CDC14A: variants seen among roughly 807,000 people sequenced by gnomAD.
CDC14A encodes dual specificity protein phosphatase CDC14A.
A neutral mutation model predicts 74.4 loss-of-function variants in CDC14A; 53 were observed. The ratio of observed to expected loss-of-function variants is 0.71; its 90% confidence interval spans 0.57 to 0.89. CDC14A has a LOEUF of 0.89. Ranked by LOEUF, CDC14A falls within the 40% of genes least tolerant of loss-of-function variation. CDC14A has a pLI of 0.00. For missense variants in CDC14A, 646 were observed against 713.7 expected, an observed-to-expected ratio of 0.91 and a Z score of 1.08; for synonymous variants, 247 against 258.4, an observed-to-expected ratio of 0.96 and a Z score of 0.43.
chr1:100,424,324 G>A (rs1317219264), intron 5 of CDC14A, 23 bp downstream of exon 5: 1 of 1,577,328 alleles, frequency 6.3e-7, no homozygotes, highest in South Asian at 1.1e-5. Flanking sequence ...GTGAGACTTG[G>A]GTTAAACTTT....
intron 1 of CDC14A, among the ~76,000 whole-genome samples, chr1:100,346,149 G>A (rs1650397042): frequency 6.6e-6 from 1 of 152,028 alleles, no homozygotes; most frequent in Non-Finnish European, 1.5e-5. Flanking sequence ...TCCAGCCTGG[G>A]TGACAGAGCA....
intron 6 of CDC14A, among the ~76,000 whole-genome samples, chr1:100,440,333 T>C (rs1478477852): frequency 2.0e-5 from 3 of 152,124 alleles, no homozygotes; most frequent in African/African-American, 7.2e-5. Context: ...CAGGAAGTTA[T>C]CTAAGCCACT....
intron 3 of CDC14A, among the ~76,000 whole-genome samples, chr1:100,389,034 G>T (rs1657279331): frequency 6.6e-6 from 1 of 151,786 alleles, no homozygotes; most frequent in Admixed American, 6.6e-5. Context: ...TATTTGCCAG[G>T]CATGGTGGCA....
At chr1:100,482,124 G>A (rs544499335) in intron 10 of CDC14A, among the ~76,000 whole-genome samples, 16 of 152,298 alleles carry the variant, frequency 1.1e-4, no homozygotes, top group African/African-American at 3.8e-4. Context: ...AGTGAAAGTT[G>A]TCACTTTGTA....
chr1:100,501,877 A>T (rs1648771509), intron 15 of CDC14A, among the ~76,000 whole-genome samples: 1 of 152,182 alleles, frequency 6.6e-6, no homozygotes, highest in African/African-American at 2.4e-5. Context: ...TTAAACAAAA[A>T]ATTTAGAAAG....
At chr1:100,470,688 A>G (rs1571277354) in intron 10 of CDC14A, among the ~76,000 whole-genome samples, 1 of 152,180 alleles carries the variant, frequency 6.6e-6, no homozygotes, top group East Asian at 1.9e-4. Context: ...TAATATATGT[A>G]TATGAAAAGA....
At chr1:100,513,226 C>G (rs1649930137) in intron 15 of CDC14A, among the ~76,000 whole-genome samples, 1 of 152,182 alleles carries the variant, frequency 6.6e-6, no homozygotes, top group East Asian at 1.9e-4. Flanking sequence ...TTATTTTTCC[C>G]CAGTGTTGTA....
intron 2 of CDC14A, among the ~76,000 whole-genome samples, chr1:100,368,751 C>A (rs753391914): frequency 6.6e-6 from 1 of 152,206 alleles, no homozygotes; most frequent in African/African-American, 2.4e-5. Context: ...CTTCCCTCCC[C>A]ACTTCAGTAG....
intron 4 of CDC14A, among the ~76,000 whole-genome samples, chr1:100,404,502 G>A (rs191186276): frequency 2.6e-5 from 4 of 152,152 alleles, no homozygotes. Context: ...AAAGCCAGGG[G>A]TGTAGTTATA....
upstream of CDC14A, among the ~76,000 whole-genome samples, chr1:100,349,811 C>T (rs192468818): frequency 4.6e-5 from 7 of 151,726 alleles, no homozygotes; most frequent in African/African-American, 1.2e-4. Flanking sequence ...TGCAGGTGCC[C>T]GCCACCACAT....
chr1:100,419,268 C>T (rs1370408672), intron 4 of CDC14A, among the ~76,000 whole-genome samples: 4 of 152,098 alleles, frequency 2.6e-5, no homozygotes, highest in Admixed American at 6.5e-5. Context: ...GTGGCTATCA[C>T]GTGATGGAGA....
intron 4 of CDC14A, among the ~76,000 whole-genome samples, chr1:100,406,377 A>G (rs1352647479): frequency 6.6e-6 from 1 of 152,124 alleles, no homozygotes; most frequent in Non-Finnish European, 1.5e-5. Flanking sequence ...GAAGCTCTTT[A>G]GTTCAATTAG....
chr1:100,502,516 C>T (rs570016434), intron 15 of CDC14A, among the ~76,000 whole-genome samples: 3 of 152,248 alleles, frequency 2.0e-5, no homozygotes, highest in African/African-American at 4.8e-5. Context: ...TGCACTCTAT[C>T]GTGCACACAG....
chr1:100,515,374 ATTTC>A (rs1439265931), intron 15 of CDC14A, among the ~76,000 whole-genome samples: 5 of 148,346 alleles, frequency 3.4e-5, no homozygotes, highest in Admixed American at 1.3e-4. Context: ...CCCTTAGTGC[ATTTC>A]TTTCTTTCTT....
Position 100,442,465 on chromosome 1 carries a change from C to T in CDC14A, c.457-469C>T, listed in dbSNP as rs1053872492. ...AGTAGAAATATTAAGGAAGAAAAAA[C>T]AGTAAAAGATGCAGGGTTTTTTTGG... On this transcript the variant is annotated intron_variant, in intron 6 of 15. Coordinates refer to ENST00000336454, the MANE Select transcript of CDC14A (RefSeq NM_003672.4). Among the ~76,000 whole-genome samples the T allele has an allele frequency of 2.7e-5, 4 of 148,630 alleles. 1 individual carries two copies. Among genetic ancestry groups the T allele is most frequent in the Non-Finnish European group, 5.9e-5 (4 of 67,292 alleles).
intron 11 of CDC14A, among the ~76,000 whole-genome samples, chr1:100,491,548 C>CTCTATATATATA (rs1223420176): frequency 4.9e-4 from 19 of 38,750 alleles, no homozygotes; most frequent in East Asian, 1.2e-3. Flanking sequence ...CTCTCTCTCT[C>CTCTATATATATA]TATATATATA....
rs1258490767 is a variant in CDC14A at position 100,458,519 on chromosome 1, T to C, written c.607+3027T>C. ...CAATTTCATTTAAGGCTGCCATTGGTAAAATATTGCTATTTTACTGGAATT... is the reference window on the plus strand; with the variant it reads ...CAATTTCATTTAAGGCTGCCATTGGCAAAATATTGCTATTTTACTGGAATT... On this transcript the variant is annotated intron_variant, in intron 8 of 15. Coordinates refer to ENST00000336454, the MANE Select transcript of CDC14A (RefSeq NM_003672.4). Among the ~76,000 whole-genome samples, 4 of 152,222 alleles carry C rather than the reference T, an allele frequency of 2.6e-5. No individual in the cohort carries two copies. The East Asian group carries it at 7.7e-4, about 29-fold the overall frequency.
intron 2 of CDC14A, among the ~76,000 whole-genome samples, chr1:100,359,301 G>C (rs1652359692): frequency 6.6e-6 from 1 of 152,228 alleles, no homozygotes; most frequent in Non-Finnish European, 1.5e-5. Context: ...AAAGGAGGAA[G>C]TAGAGGTCCA....
intron 5 of CDC14A, among the ~76,000 whole-genome samples, chr1:100,431,458 G>A (rs1460411451): frequency 6.6e-6 from 1 of 152,110 alleles, no homozygotes; most frequent in African/African-American, 2.4e-5. Flanking sequence ...TTACCTTAAT[G>A]AACATAGTAA....
Sources: allele counts gnomAD v4.1 joint callset (sites outside exome capture counted in the v4.1 genomes callset), GRCh38; gene constraint gnomAD v4.1.1; transcripts MANE v1.5; gene names NCBI Gene and HGNC (gene_info 2026-07-23, HGNC 2026-07-21).